Variants in SNX13 observed in about 807,000 individuals in gnomAD.
SNX13 encodes sorting nexin-13.
In SNX13, 45 loss-of-function variants were observed where a neutral mutation model predicts 133.6. The ratio of observed to expected loss-of-function variants is 0.34; its 90% CI spans 0.27 to 0.43. The LOEUF is 0.43. SNX13 is among the 20% of genes least tolerant of loss of function. The probability of loss-of-function intolerance (pLI) is 1.00; values close to 1 mark genes in which losing one functional copy is unlikely to be tolerated. For missense variants in SNX13, 1,032 were observed against 1,145.1 expected (o/e 0.90, Z 1.43); for synonymous variants, 414 against 373.9 (o/e 1.11, Z -1.24).
intron 5 of SNX13, chr7:17,881,850 G>C (rs1795387192): frequency 6.6e-6 from 1 of 152,062 alleles, no homozygotes; most frequent in Admixed American, 6.5e-5. Flanking sequence ...AAATTGTAAA[G>C]GCACAGAATT....
chr7:17,797,346 C>G (rs1374006836), intron 24 of SNX13, among the ~76,000 whole-genome samples: 3 of 151,778 alleles, frequency 2.0e-5, no homozygotes, highest in Non-Finnish European at 4.4e-5. Flanking sequence ...TCAGTTATGC[C>G]ATCCCACTCC....
chr7:17,798,831 G>T, intron 23 of SNX13, 73 bp from the exon 24 acceptor site: 1 of 1,269,886 alleles, frequency 7.9e-7, no homozygotes, highest in South Asian at 1.4e-5. Context: ...GACTTTCATA[G>T]AGCAAGCAAC....
intron 13 of SNX13, among the ~76,000 whole-genome samples, chr7:17,836,210 A>G (rs1218042745): frequency 6.6e-6 from 1 of 152,028 alleles, no homozygotes; most frequent in East Asian, 1.9e-4. Flanking sequence ...TTCCAAAAAA[A>G]GTAATACAAA....
At chr7:17,885,759 C>T (rs947554976) in intron 5 of SNX13, among the ~76,000 whole-genome samples, 3 of 152,126 alleles carry the variant, frequency 2.0e-5, no homozygotes, top group Non-Finnish European at 2.9e-5. Flanking sequence ...ACCTGTGAGG[C>T]GGAAACTGCA....
At chr7:17,815,562 G>C (rs982905990) in intron 19 of SNX13, among the ~76,000 whole-genome samples, 1 of 152,126 alleles carries the variant, frequency 6.6e-6, no homozygotes, top group Non-Finnish European at 1.5e-5. Context: ...TCCAGCCTGG[G>C]TGACAGAACA....
intron 5 of SNX13, among the ~76,000 whole-genome samples, chr7:17,878,752 T>C (rs1214208240): frequency 1.3e-5 from 2 of 152,184 alleles, no homozygotes; most frequent in South Asian, 2.1e-4. Flanking sequence ...AGATCTTCCA[T>C]ACGGAAAGCC....
chr7:17,823,503 T>C (rs1436693793), intron 17 of SNX13, among the ~76,000 whole-genome samples: 4 of 152,196 alleles, frequency 2.6e-5, no homozygotes, highest in African/African-American at 9.6e-5. Context: ...CAGAAGCTCT[T>C]CCCAAACTTT....
At chr7:17,852,191 TG>T (rs1163103081) in intron 9 of SNX13, among the ~76,000 whole-genome samples, 16 of 152,148 alleles carry the variant, frequency 1.1e-4, no homozygotes, top group African/African-American at 3.9e-4. Flanking sequence ...CTGGCCAACA[TG>T]GTGAAACCCC....
intron 8 of SNX13, 28 bp downstream of exon 8, chr7:17,873,500 G>A: frequency 8.9e-6 from 13 of 1,459,574 alleles, no homozygotes; most frequent in African/African-American, 1.4e-5. Context: ...TTTTTTGCAG[G>A]TATGATATGG....
intron 20 of SNX13, among the ~76,000 whole-genome samples, chr7:17,806,707 C>T (rs1490106252): frequency 6.6e-6 from 1 of 152,090 alleles, no homozygotes; most frequent in African/African-American, 2.4e-5. Context: ...CAGCTCCCAG[C>T]GAGATCAACG....
intron 11 of SNX13, among the ~76,000 whole-genome samples, chr7:17,849,989 G>C (rs910166190): frequency 1.3e-5 from 2 of 152,116 alleles, no homozygotes; most frequent in Non-Finnish European, 2.9e-5. Context: ...CAACTAAAAT[G>C]TAAACTCCAC....
chr7:17,802,921 C>T (rs1020742967), intron 21 of SNX13, among the ~76,000 whole-genome samples: 3 of 151,962 alleles, frequency 2.0e-5, no homozygotes, highest in Non-Finnish European at 4.4e-5. Flanking sequence ...TCTTCTATGA[C>T]ACGCAGAGGT....
intron 17 of SNX13, among the ~76,000 whole-genome samples, chr7:17,823,309 A>G (rs1315701467): frequency 6.6e-6 from 1 of 152,204 alleles, no homozygotes; most frequent in African/African-American, 2.4e-5. Context: ...CACACTAACC[A>G]GAAGTCTAAA....
At chr7:17,805,275 A>G (rs182105233) in intron 20 of SNX13, among the ~76,000 whole-genome samples, 2,624 of 92,730 alleles carry the variant, frequency 0.028, 42 homozygotes, top group African/African-American at 0.048. Flanking sequence ...GCATGCATGC[A>G]CATGTGTAAT....
At chr7:17,925,518 G>C (rs1269198351) in intron 1 of SNX13, among the ~76,000 whole-genome samples, 1 of 152,054 alleles carries the variant, frequency 6.6e-6, no homozygotes, top group East Asian at 1.9e-4. Context: ...TACAGATCAA[G>C]GGAACAAAAC....
chr7:17,832,761 C>T (rs1486548879), intron 15 of SNX13, among the ~76,000 whole-genome samples: 3 of 151,436 alleles, frequency 2.0e-5, no homozygotes, highest in Admixed American at 6.6e-5. Flanking sequence ...TCCAATTGTA[C>T]ACATAAGTAA....
chr7:17,849,546 T>C (rs1043418727), intron 11 of SNX13, among the ~76,000 whole-genome samples: 10 of 152,220 alleles, frequency 6.6e-5, no homozygotes, highest in African/African-American at 2.4e-4. Flanking sequence ...AAATCTCCAA[T>C]TGATTTTCAT....
chr7:17,816,099 T>G, intron 19 of SNX13, 83 bp downstream of exon 19: 1 of 1,382,600 alleles, frequency 7.2e-7, no homozygotes, highest in Non-Finnish European at 9.6e-7. Context: ...AAACATTCTG[T>G]GTGCTATATT....
chr7:17,927,191 A>T (rs966076315), intron 1 of SNX13, among the ~76,000 whole-genome samples: 1 of 150,002 alleles, frequency 6.7e-6, no homozygotes, highest in African/African-American at 2.4e-5. Context: ...GTGTACATAT[A>T]ATATATATGT....
Sources: allele counts gnomAD v4.1 joint callset (sites outside exome capture counted in the v4.1 genomes callset), GRCh38; gene constraint gnomAD v4.1.1; transcripts MANE v1.5; gene names NCBI Gene and HGNC (gene_info 2026-07-23, HGNC 2026-07-21).